SNX18: variants seen among roughly 807,000 people sequenced by gnomAD.
The protein encoded by SNX18 is sorting nexin 18, also known as sorting nexin-18.
A neutral mutation model predicts 48.7 loss-of-function variants in SNX18; 35 were observed. The ratio of observed to expected loss-of-function variants is 0.72; its 90% CI spans 0.55 to 0.95. The LOEUF (loss-of-function observed/expected upper bound fraction) is 0.95, where lower values mean the gene tolerates loss of function less well. Among genes scored for constraint, SNX18 ranks in the 40% least tolerant of loss-of-function variants. The pLI, the probability that SNX18 is intolerant of heterozygous loss-of-function variation, is 0.00. For missense variants in SNX18, 824 were observed against 871.0 expected, an observed-to-expected ratio of 0.95 and a Z score of 0.68; for synonymous variants, 492 against 384.7, an observed-to-expected ratio of 1.28 and a Z score of -3.26.
the SNX18 span, among the ~76,000 whole-genome samples, chr5:54,624,815 C>G: frequency 6.6e-6 from 1 of 152,208 alleles, no homozygotes; most frequent in Admixed American, 6.5e-5. Flanking sequence ...AAGTTCCACT[C>G]AAACTCAGTC....
At chr5:54,519,788 C>T (rs777459364) in intron 1 of SNX18, 7 of 1,613,758 alleles carry the variant, frequency 4.3e-6, no homozygotes, top group Non-Finnish European at 5.1e-6. Flanking sequence ...GGAATGAGTA[C>T]TCTTTCTCGA....
chr5:54,594,899 C>T, the SNX18 span, among the ~76,000 whole-genome samples: 1 of 152,124 alleles, frequency 6.6e-6, no homozygotes, highest in South Asian at 2.1e-4. Context: ...ATGTTTAGCT[C>T]CGTCTTATAA....
the SNX18 span, among the ~76,000 whole-genome samples, chr5:54,611,673 T>C: frequency 1.3e-5 from 2 of 152,184 alleles, no homozygotes; most frequent in Non-Finnish European, 2.9e-5. Context: ...TTTCAGTCTA[T>C]ACCTACTTTA....
chr5:54,626,438 G>A, the SNX18 span, among the ~76,000 whole-genome samples: 1 of 152,178 alleles, frequency 6.6e-6, no homozygotes, highest in Non-Finnish European at 1.5e-5. Context: ...TTACAGGCAT[G>A]AGCCACTGCA....
the SNX18 span, among the ~76,000 whole-genome samples, chr5:54,600,538 T>C: frequency 8.4e-3 from 1,281 of 152,306 alleles, 18 homozygotes; most frequent in African/African-American, 0.03. Context: ...CATATGTTCA[T>C]TGCAGCACTA....
the SNX18 span, among the ~76,000 whole-genome samples, chr5:54,622,779 G>C: frequency 3.8e-4 from 58 of 151,914 alleles, no homozygotes; most frequent in Non-Finnish European, 7.4e-4. Context: ...AAGCCAATTC[G>C]TAATGATGGT....
At chr5:54,572,750 G>GTATATATATATATATATATATATATATA in the SNX18 span, among the ~76,000 whole-genome samples, 4 of 41,472 alleles carry the variant, frequency 9.6e-5, no homozygotes, top group Non-Finnish European at 2.0e-4. Flanking sequence ...GTGTGTGTGT[G>GTATATATATATATATATATATATATATA]TGTGTATATA....
chr5:54,559,554 A>G, the SNX18 span, among the ~76,000 whole-genome samples: 1 of 152,040 alleles, frequency 6.6e-6, no homozygotes, highest in African/African-American at 2.4e-5. Flanking sequence ...TCCTTACATC[A>G]TATAATCAAC....
the SNX18 span, among the ~76,000 whole-genome samples, chr5:54,635,686 C>T: frequency 2.0e-5 from 3 of 152,158 alleles, no homozygotes; most frequent in Admixed American, 6.5e-5. Flanking sequence ...TCTTTCAGGA[C>T]GAGGTACTCA....
chr5:54,642,382 G>GT, the SNX18 span, among the ~76,000 whole-genome samples: 1,469 of 145,810 alleles, frequency 0.01, 20 homozygotes, highest in African/African-American at 0.026. Flanking sequence ...GTTATGTTGG[G>GT]TTTTTTTTTT....
At chr5:54,572,071 C>T in the SNX18 span, among the ~76,000 whole-genome samples, 1 of 152,158 alleles carries the variant, frequency 6.6e-6, no homozygotes, top group African/African-American at 2.4e-5. Flanking sequence ...GCCACCTGCT[C>T]AGCCCTAGAT....
At position 54,518,102 on chromosome 5, in the gene SNX18, C is replaced by T. The variant is rs753935476; in HGVS notation, c.150C>T (p.Leu50=). The T allele has an allele frequency of 7.9e-6, 12 of 1,515,602 alleles. No homozygotes were observed. Among genetic ancestry groups the T allele is most frequent in the Admixed American group, 2.1e-5 (1 of 47,254 alleles). 93.9% of individuals were successfully genotyped at this position (1,515,602 alleles called of 1,614,324 possible). The part of the protein sequence containing the change: ...EGVNSRGDRG[L]FPASYVQVIR... ...TCAACAGCCGCGGCGACCGCGGCCT[C>T]TTCCCGGCCTCCTATGTGCAGGTGA... The change falls in exon 1 of 2, where the codon CTC becomes CTT. Residue 50 remains leucine (L), a synonymous_variant. Coordinates refer to ENST00000381410, the MANE Select transcript of SNX18 (RefSeq NM_001102575.2).
the SNX18 span, among the ~76,000 whole-genome samples, chr5:54,567,369 T>A: frequency 2.0e-5 from 3 of 151,816 alleles, no homozygotes; most frequent in African/African-American, 7.3e-5. Context: ...GCGTGAAGGA[T>A]CCTATGCAAG....
the SNX18 span, among the ~76,000 whole-genome samples, chr5:54,633,594 T>A: frequency 3.3e-5 from 5 of 152,190 alleles, no homozygotes; most frequent in South Asian, 1.0e-3. Context: ...AGTTTCTCCA[T>A]CTAAAAATGG....
the SNX18 span, among the ~76,000 whole-genome samples, chr5:54,593,635 G>T: frequency 6.6e-6 from 1 of 152,164 alleles, no homozygotes; most frequent in Non-Finnish European, 1.5e-5. Flanking sequence ...TATATGACCC[G>T]ATTTCTAGAC....
the SNX18 span, chr5:54,645,291 T>C: frequency 6.6e-6 from 1 of 152,158 alleles, no homozygotes; most frequent in Admixed American, 6.5e-5. Flanking sequence ...ACCAGAGAAG[T>C]AAAGATATCC....
At chr5:54,633,008 C>T in the SNX18 span, among the ~76,000 whole-genome samples, 7 of 151,922 alleles carry the variant, frequency 4.6e-5, no homozygotes, top group Non-Finnish European at 8.8e-5. Context: ...CTCTTGACCT[C>T]GTGATCTGCC....
chr5:54,608,757 G>A, the SNX18 span, among the ~76,000 whole-genome samples: 10 of 152,298 alleles, frequency 6.6e-5, no homozygotes, highest in African/African-American at 1.9e-4. Context: ...CTATATTCAA[G>A]TGTGCATCAC....
the SNX18 span, among the ~76,000 whole-genome samples, chr5:54,620,436 G>A: frequency 6.6e-6 from 1 of 152,180 alleles, no homozygotes; most frequent in Non-Finnish European, 1.5e-5. Flanking sequence ...GAGTGAATAT[G>A]CTGAGGTCAC....
Sources: allele counts gnomAD v4.1 joint callset (sites outside exome capture counted in the v4.1 genomes callset), GRCh38; gene constraint gnomAD v4.1.1; transcripts MANE v1.5; gene names NCBI Gene and HGNC (gene_info 2026-07-23, HGNC 2026-07-21).